PTGER3: variants seen among roughly 807,000 people sequenced by gnomAD.
The protein encoded by PTGER3 is prostaglandin E2 receptor EP3 subtype.
Under a neutral mutation model 34.7 loss-of-function variants are expected in PTGER3, and 22 were observed. The ratio of observed to expected loss-of-function variants is 0.63; its 90% CI spans 0.45 to 0.91. PTGER3 has a LOEUF of 0.91. Ranked by LOEUF, PTGER3 falls within the 40% of genes least tolerant of loss-of-function variation. PTGER3 has a pLI of 0.00. For missense variants in PTGER3, 468 were observed against 519.4 expected (o/e 0.90, Z 0.96); for synonymous variants, 241 against 230.1 (o/e 1.05, Z -0.43).
chr1:70,941,096 G>A (rs767810270), intron 4 of PTGER3, among the ~76,000 whole-genome samples: 2 of 152,144 alleles, frequency 1.3e-5, no homozygotes, highest in Non-Finnish European at 2.9e-5. Flanking sequence ...CAACAGCATA[G>A]GGTTATTAAT....
intron 4 of PTGER3, among the ~76,000 whole-genome samples, chr1:70,902,338 A>G (rs1308343048): frequency 6.6e-6 from 1 of 152,232 alleles, no homozygotes; most frequent in African/African-American, 2.4e-5. Context: ...GCAGTTCTAC[A>G]CGGTTCCATG....
downstream of PTGER3, among the ~76,000 whole-genome samples, chr1:70,967,802 A>G (rs1652683944): frequency 6.6e-6 from 1 of 152,158 alleles, no homozygotes; most frequent in Non-Finnish European, 1.5e-5. Flanking sequence ...TATTTATTTA[A>G]TTTTTGAAAA....
intron 4 of PTGER3, among the ~76,000 whole-genome samples, chr1:70,879,234 CCTT>C (rs1199340172): frequency 7.0e-6 from 1 of 143,082 alleles, no homozygotes. Flanking sequence ...GCCCTTCTGT[CCTT>C]CTTTTTGTTT....
chr1:71,006,297 T>C, intron 2 of PTGER3: 1 of 985,460 alleles, frequency 1.0e-6, no homozygotes, highest in South Asian at 4.7e-5. Context: ...GGGATACTTT[T>C]AATGAGCTTG....
intron 4 of PTGER3, among the ~76,000 whole-genome samples, chr1:70,930,607 A>G (rs1479082770): frequency 1.3e-5 from 2 of 152,168 alleles, no homozygotes; most frequent in Non-Finnish European, 2.9e-5. Flanking sequence ...CAGAATCACA[A>G]TGGGAGGCAA....
intron 2 of PTGER3, chr1:71,010,813 C>T (rs192986001): frequency 2.0e-6 from 2 of 984,758 alleles, no homozygotes; most frequent in African/African-American, 3.5e-5. Context: ...AATAATTAGC[C>T]CCAATTGACA....
intron 4 of PTGER3, among the ~76,000 whole-genome samples, chr1:70,902,925 G>A (rs371820820): frequency 3.3e-5 from 5 of 152,174 alleles, no homozygotes; most frequent in African/African-American, 1.2e-4. Flanking sequence ...TATGCCTCAT[G>A]TCCTAATTCC....
chr1:70,958,347 C>T (rs886835663), intron 2 of PTGER3, among the ~76,000 whole-genome samples: 2 of 152,066 alleles, frequency 1.3e-5, no homozygotes, highest in Non-Finnish European at 2.9e-5. Context: ...CCTTTGCCAG[C>T]ATGTTTGTCT....
At chr1:70,999,048 C>G (rs913339053) in intron 2 of PTGER3, among the ~76,000 whole-genome samples, 1 of 152,036 alleles carries the variant, frequency 6.6e-6, no homozygotes, top group Admixed American at 6.6e-5. Context: ...GGCGTGGTGG[C>G]GGGCGCCTGT....
At chr1:70,931,271 G>A (rs1648665046) in intron 4 of PTGER3, among the ~76,000 whole-genome samples, 1 of 152,192 alleles carries the variant, frequency 6.6e-6, no homozygotes, top group African/African-American at 2.4e-5. Flanking sequence ...GCAGGGTACA[G>A]CCCCCCTTCT....
chr1:70,916,878 T>C (rs1291816394), intron 4 of PTGER3, among the ~76,000 whole-genome samples: 2 of 151,988 alleles, frequency 1.3e-5, no homozygotes, highest in Non-Finnish European at 2.9e-5. Flanking sequence ...TTTGTTTGGA[T>C]ATTAATATGA....
At chr1:70,958,030 AATGGT>A (rs1347859622) in intron 2 of PTGER3, among the ~76,000 whole-genome samples, 1 of 152,100 alleles carries the variant, frequency 6.6e-6, no homozygotes, top group African/African-American at 2.4e-5. Flanking sequence ...GTTATGGTTA[AATGGT>A]ATTCTATTGT....
At position 70,894,029 on chromosome 1, in the gene PTGER3, G is replaced by T. The variant is rs2100293485; in HGVS notation, c.*24-41170C>A. Reference sequence around the variant, plus strand: ...TAATCTTTTAAAGTGCCTGATAGGTGGGACATGGTGGCTCACGCCAGTAAT... The same window carrying T: ...TAATCTTTTAAAGTGCCTGATAGGTTGGACATGGTGGCTCACGCCAGTAAT... On this transcript the variant is annotated intron_variant, in intron 4 of 4. Coordinates refer to the PTGER3 transcript ENST00000370931. Among the ~76,000 whole-genome samples the T allele has an allele frequency of 1.3e-5, 2 of 152,204 alleles. 1 individual carries two copies. Among genetic ancestry groups the T allele is most frequent in the South Asian group, 4.1e-4 (2 of 4,824 alleles).
At chr1:70,981,355 CTTT>C (rs1654296693) in intron 2 of PTGER3, among the ~76,000 whole-genome samples, 3 of 88,678 alleles carry the variant, frequency 3.4e-5, no homozygotes, top group Admixed American at 2.9e-4. Context: ...TTCTTTCTTT[CTTT>C]CTTTCTTTCT....
At chr1:70,883,098 T>C (rs1646427413) in intron 4 of PTGER3, among the ~76,000 whole-genome samples, 1 of 152,234 alleles carries the variant, frequency 6.6e-6, no homozygotes, top group Non-Finnish European at 1.5e-5. Flanking sequence ...ATACCCATTT[T>C]GTAGGTGAGG....
At chr1:71,010,318 A>G (rs1657329779) in intron 2 of PTGER3, 1 of 984,518 alleles carries the variant, frequency 1.0e-6, no homozygotes, top group Middle Eastern at 5.2e-4. Context: ...ATCAGAAATA[A>G]TTCACTTTAT....
chr1:71,010,211 T>A (rs971477527), intron 2 of PTGER3: 2 of 983,964 alleles, frequency 2.0e-6, no homozygotes, highest in Admixed American at 6.2e-5. Flanking sequence ...TTTGGAAGTA[T>A]CAGTCTCCTA....
intron 1 of PTGER3, among the ~76,000 whole-genome samples, chr1:71,035,930 T>A (rs1027400514): frequency 2.0e-4 from 30 of 152,194 alleles, no homozygotes; most frequent in Non-Finnish European, 4.4e-5. Flanking sequence ...CCCTCCCTAA[T>A]CCCAATGCAT....
chr1:71,040,321 C>A (rs1312685737), intron 1 of PTGER3, among the ~76,000 whole-genome samples: 3 of 152,052 alleles, frequency 2.0e-5, no homozygotes, highest in African/African-American at 7.2e-5. Flanking sequence ...TCAGTCAAGG[C>A]CAGCGCGGTG....
Sources: gnomAD v4.1 joint callset for allele counts (sites outside exome capture counted in the v4.1 genomes callset) on GRCh38, gnomAD v4.1.1 for gene constraint, MANE v1.5 for transcripts, NCBI Gene and HGNC (gene_info 2026-07-23, HGNC 2026-07-21) for gene names.